The following ZNF654 variants were observed in gnomAD, a reference collection of about 807,000 sequenced individuals.
ZNF654 encodes melanoma-associated antigen.
A neutral mutation model predicts 95.3 loss-of-function variants in ZNF654; 19 were observed. That is an observed-to-expected ratio of 0.20 (90% CI 0.14 to 0.29). ZNF654 has a LOEUF of 0.29. Among genes scored for constraint, ZNF654 ranks in the 10% least tolerant of loss-of-function variants. The pLI is 1.00. For synonymous variants in ZNF654, 413 were observed against 457.9 expected (o/e 0.90, Z 1.25); for missense variants, 1,046 against 1,341.0 (o/e 0.78, Z 3.44).
chr3:88,077,919 C>A (rs1707900078), intron 1 of ZNF654, among the ~76,000 whole-genome samples: 1 of 151,948 alleles, frequency 6.6e-6, no homozygotes, highest in Admixed American at 6.6e-5. Flanking sequence ...CACCAAAGCC[C>A]CTTGTTTTGT....
intron 2 of ZNF654, among the ~76,000 whole-genome samples, chr3:88,099,488 T>C (rs1704271082): frequency 6.6e-6 from 1 of 152,144 alleles, no homozygotes; most frequent in Non-Finnish European, 1.5e-5. Context: ...TTAAAGCTCA[T>C]ACGGAACCAA....
At chr3:88,108,053 G>C in intron 2 of ZNF654, among the ~76,000 whole-genome samples, 1 of 151,964 alleles carries the variant, frequency 6.6e-6, no homozygotes. Context: ...TTGAAGCCTG[G>C]ATTGAAAGAA....
intron 2 of ZNF654, among the ~76,000 whole-genome samples, chr3:88,106,770 ATAGT>A (rs1267580321): frequency 1.3e-5 from 2 of 152,162 alleles, no homozygotes; most frequent in East Asian, 3.9e-4. Context: ...GTTTCTTATC[ATAGT>A]TAAACATTTC....
At chr3:88,073,468 T>TA (rs1390683506) in intron 1 of ZNF654, among the ~76,000 whole-genome samples, 2 of 152,144 alleles carry the variant, frequency 1.3e-5, no homozygotes, top group Middle Eastern at 3.4e-3. Flanking sequence ...AAAGTCTACA[T>TA]AAAAAAAGTA....
At chr3:88,091,432 AT>A (rs1247719927) in intron 2 of ZNF654, among the ~76,000 whole-genome samples, 6 of 152,242 alleles carry the variant, frequency 3.9e-5, no homozygotes, top group Non-Finnish European at 5.9e-5. Flanking sequence ...AGGAAGAAGT[AT>A]TGCTGTTTCA....
chr3:88,066,343 G>A (rs537175692), intron 1 of ZNF654, among the ~76,000 whole-genome samples: 1 of 152,256 alleles, frequency 6.6e-6, no homozygotes, highest in South Asian at 2.1e-4. Flanking sequence ...GGAGTCCAAG[G>A]CAGGCAAATT....
At chr3:88,123,753 C>T (rs1705921429) in intron 3 of ZNF654, among the ~76,000 whole-genome samples, 1 of 152,204 alleles carries the variant, frequency 6.6e-6, no homozygotes, top group Non-Finnish European at 1.5e-5. Context: ...TGTCCCAGGA[C>T]TGAGCAGCAG....
chr3:88,102,087 C>G (rs1488670923), intron 2 of ZNF654, among the ~76,000 whole-genome samples: 4 of 151,998 alleles, frequency 2.6e-5, no homozygotes, highest in Admixed American at 6.6e-5. Context: ...TTATCCCATG[C>G]TATATCTTGT....
At chr3:88,138,560 C>G in intron 7 of ZNF654, 145 bp from the exon 8 acceptor site, 1 of 437,472 alleles carries the variant, frequency 2.3e-6, no homozygotes, top group Non-Finnish European at 3.8e-6. Context: ...AAGAGTTAAA[C>G]AAGGCTACTA....
intron 1 of ZNF654, among the ~76,000 whole-genome samples, chr3:88,084,470 T>C (rs1407260293): frequency 6.6e-6 from 1 of 152,198 alleles, no homozygotes; most frequent in Non-Finnish European, 1.5e-5. Context: ...TCCTCTTTTT[T>C]AGTCTGTAGT....
chr3:88,102,432 A>G (rs960586375), intron 2 of ZNF654, among the ~76,000 whole-genome samples: 3 of 152,100 alleles, frequency 2.0e-5, no homozygotes, highest in African/African-American at 4.8e-5. Flanking sequence ...TATAATGTCA[A>G]ATTTGCTGTT....
chr3:88,090,788 G>A (rs1402908706), intron 2 of ZNF654, among the ~76,000 whole-genome samples: 1 of 152,038 alleles, frequency 6.6e-6, no homozygotes, highest in Admixed American at 6.6e-5. Flanking sequence ...GGCTTCCCTG[G>A]CCACATTGGA....
chr3:88,078,802 G>T (rs1707940946), intron 1 of ZNF654, among the ~76,000 whole-genome samples: 1 of 152,056 alleles, frequency 6.6e-6, no homozygotes, highest in African/African-American at 2.4e-5. Context: ...ATGGGGGATG[G>T]ATTAGTATTA....
At chr3:88,107,126 T>C (rs1704791452) in intron 2 of ZNF654, among the ~76,000 whole-genome samples, 1 of 152,218 alleles carries the variant, frequency 6.6e-6, no homozygotes, top group African/African-American at 2.4e-5. Flanking sequence ...TTTTACTGTA[T>C]GTAAATGTGT....
At chr3:88,079,794 T>C (rs1707990278) in intron 1 of ZNF654, among the ~76,000 whole-genome samples, 1 of 152,086 alleles carries the variant, frequency 6.6e-6, no homozygotes, top group South Asian at 2.1e-4. Flanking sequence ...TACATTAATG[T>C]TGTATAAATA....
chr3:88,065,818 C>G (rs562157709), intron 1 of ZNF654, among the ~76,000 whole-genome samples: 1 of 152,086 alleles, frequency 6.6e-6, no homozygotes, highest in African/African-American at 2.4e-5. Flanking sequence ...CCTCCCTGTC[C>G]GGGGCTAAAG....
At chr3:88,101,370 T>C (rs923908255) in intron 2 of ZNF654, among the ~76,000 whole-genome samples, 1 of 152,152 alleles carries the variant, frequency 6.6e-6, no homozygotes, top group African/African-American at 2.4e-5. Context: ...AATGATATCA[T>C]AGAATATGTA....
intron 1 of ZNF654, among the ~76,000 whole-genome samples, chr3:88,077,139 C>T (rs1707846639): frequency 6.6e-6 from 1 of 152,040 alleles, no homozygotes; most frequent in Admixed American, 6.6e-5. Flanking sequence ...CCAAACTTAC[C>T]ATGTCCAGAA....
intron 1 of ZNF654, among the ~76,000 whole-genome samples, chr3:88,067,351 A>C (rs142236067): frequency 2.2e-4 from 34 of 152,346 alleles, no homozygotes; most frequent in African/African-American, 7.5e-4. Context: ...TCATCCAAGG[A>C]GAGATCTTAG....
Sources: gnomAD v4.1 joint callset for allele counts (sites outside exome capture counted in the v4.1 genomes callset) on GRCh38, gnomAD v4.1.1 for gene constraint, MANE v1.5 for transcripts, NCBI Gene and HGNC (gene_info 2026-07-23, HGNC 2026-07-21) for gene names.